NAALADL2: variants seen among roughly 807,000 people sequenced by gnomAD.
NAALADL2 encodes the protein N-acetylated alpha-linked acidic dipeptidase like 2.
A neutral mutation model predicts 87.2 loss-of-function variants in NAALADL2; 76 were observed. The ratio of observed to expected loss-of-function variants is 0.87; its 90% CI spans 0.72 to 1.05. The LOEUF (loss-of-function observed/expected upper bound fraction) is 1.05, where lower values mean the gene tolerates loss of function less well. NAALADL2 is among the 50% of genes least tolerant of loss of function. The pLI is 0.00. For synonymous variants in NAALADL2, 354 were observed against 331.0 expected (o/e 1.07, Z -0.75); for missense variants, 1,089 against 945.8 (o/e 1.15, Z -1.99).
At chr3:174,882,982 T>G (rs1461476851) in intron 1 of NAALADL2, among the ~76,000 whole-genome samples, 1 of 151,800 alleles carries the variant, frequency 6.6e-6, no homozygotes, top group African/African-American at 2.4e-5. Context: ...GGTTTCGCAA[T>G]AGCCCGTCTG....
At chr3:175,256,988 A>T (rs370261635) in intron 4 of NAALADL2, 1 of 152,178 alleles carries the variant, frequency 6.6e-6, no homozygotes, top group African/African-American at 2.4e-5. Context: ...TATTTTGTCA[A>T]CTATACAACT....
rs79122692 is a variant in NAALADL2, at chr3:175,403,975, A to G, written c.1091-43254A>G. Among the ~76,000 whole-genome samples the G allele has an allele frequency of 3.2e-3, 489 of 152,252 alleles. 2 individuals are homozygous for G. Among genetic ancestry groups the G allele is most frequent in the African/African-American group, 0.011 (440 of 41,564 alleles). ...CTTGGGAATAGTAGTATGAGAAAAG[A>G]GCCTATAGTTTTACAAAATACAGGC... On this transcript the variant is annotated intron_variant, in intron 5 of 13. Coordinates refer to ENST00000454872, the MANE Select transcript of NAALADL2 (RefSeq NM_207015.3).
intron 2 of NAALADL2, among the ~76,000 whole-genome samples, chr3:175,156,574 T>TG (rs149652116): frequency 0.18 from 26,745 of 152,060 alleles, 2,951 homozygotes; most frequent in African/African-American, 0.31. Flanking sequence ...TCCTATATTT[T>TG]TGTTATTTTA....
chr3:174,745,972 C>A (rs749323093), intron 3 of NAALADL2, among the ~76,000 whole-genome samples: 2 of 152,158 alleles, frequency 1.3e-5, no homozygotes, highest in Non-Finnish European at 2.9e-5. Context: ...CAACCAATAT[C>A]ATTCTGAATG....
chr3:175,755,073 A>T, intron 12 of NAALADL2, 147 bp from the exon 13 acceptor site: 1 of 627,230 alleles, frequency 1.6e-6, no homozygotes. Flanking sequence ...AGTGACAAAA[A>T]AAAAGAGAGA....
At chr3:174,473,026 A>G (rs1717002789) in intron 1 of NAALADL2, among the ~76,000 whole-genome samples, 1 of 152,174 alleles carries the variant, frequency 6.6e-6, no homozygotes, top group African/African-American at 2.4e-5. Context: ...GTGGTATAGT[A>G]AAGAGGGAAT....
chr3:175,600,291 C>G (rs1722778782), intron 10 of NAALADL2, among the ~76,000 whole-genome samples: 1 of 151,800 alleles, frequency 6.6e-6, no homozygotes, highest in East Asian at 1.9e-4. Context: ...TGTACATACA[C>G]ATAATCTCAA....
intron 1 of NAALADL2, among the ~76,000 whole-genome samples, chr3:174,479,699 C>T (rs1717437483): frequency 6.6e-6 from 1 of 152,086 alleles, no homozygotes; most frequent in Non-Finnish European, 1.5e-5. Flanking sequence ...TCCTTTCTTT[C>T]CGGCTCTGTA....
intron 2 of NAALADL2, among the ~76,000 whole-genome samples, chr3:175,167,312 C>T (rs1734145176): frequency 6.6e-6 from 1 of 152,046 alleles, no homozygotes; most frequent in African/African-American, 2.4e-5. Context: ...AGAGTGAGCT[C>T]TCTCAATACA....
At chr3:175,501,543 C>T (rs55938053) in intron 9 of NAALADL2, among the ~76,000 whole-genome samples, 10,815 of 151,908 alleles carry the variant, frequency 0.071, 504 homozygotes, top group South Asian at 0.12. Context: ...GACTGAGAGA[C>T]AGGGAAGATT....
chr3:174,823,644 C>T (rs1444837421), intron 3 of NAALADL2, among the ~76,000 whole-genome samples: 5 of 152,144 alleles, frequency 3.3e-5, no homozygotes, highest in Non-Finnish European at 5.9e-5. Context: ...CCTTGCTCCT[C>T]TTTATTATAA....
At position 175,681,492 on chromosome 3, in the gene NAALADL2, A is replaced by G. The variant is rs144739621; in HGVS notation, c.1896+54106A>G. 9.2e-5 allele frequency among the ~76,000 whole-genome samples: 14 copies of G among 152,334 alleles called. No individual in the cohort carries two copies. In the East Asian group the frequency reaches 2.7e-3, roughly 29 times the overall value. On this transcript the variant is annotated intron_variant, in intron 11 of 13. Transcript: ENST00000454872. ...AACCACATAAGCTAACAAGTGATCTATAGTAATTCTTGTCCAAAACTTGTA... is the reference window on the plus strand; with the variant it reads ...AACCACATAAGCTAACAAGTGATCTGTAGTAATTCTTGTCCAAAACTTGTA...
Position 175,353,010 on chromosome 3 carries a change from A to T in NAALADL2, c.1090+28685A>T, listed in dbSNP as rs974241562. Among the ~76,000 whole-genome samples, 12 of 152,162 alleles carry T rather than the reference A, an allele frequency of 7.9e-5. 1 individual carries two copies. The highest frequency in any genetic ancestry group is 2.6e-4 in the Admixed American group (4 of 15,250). On this transcript the variant is annotated intron_variant, in intron 5 of 13. Coordinates refer to ENST00000454872, the MANE Select transcript of NAALADL2 (RefSeq NM_207015.3). ...ATCAACGAACCCTGAAAGACAGGGC[A>T]TTCTCACTAATTCAAAAGGATGATA...
At chr3:175,721,562 G>A (rs1023179331) in intron 11 of NAALADL2, among the ~76,000 whole-genome samples, 3 of 152,052 alleles carry the variant, frequency 2.0e-5, no homozygotes, top group African/African-American at 7.2e-5. Flanking sequence ...ATTAGAGGAT[G>A]AGCTCATAAG....
intron 2 of NAALADL2, among the ~76,000 whole-genome samples, chr3:175,190,462 A>T (rs1271413594): frequency 6.6e-6 from 1 of 152,228 alleles, no homozygotes; most frequent in Admixed American, 6.5e-5. Flanking sequence ...ATCATTAATT[A>T]TCAGGGATAT....
chr3:174,501,689 A>T (rs2108370143), intron 1 of NAALADL2, among the ~76,000 whole-genome samples: 1 of 152,090 alleles, frequency 6.6e-6, no homozygotes, highest in African/African-American at 2.4e-5. Flanking sequence ...TTGGCTTAAA[A>T]TTTTTCATAA....
At chr3:175,746,300 G>C (rs1745922441) in intron 12 of NAALADL2, among the ~76,000 whole-genome samples, 1 of 146,428 alleles carries the variant, frequency 6.8e-6, no homozygotes, top group Admixed American at 6.8e-5. Flanking sequence ...TCAATTTTTA[G>C]GTGTCACTTG....
intron 11 of NAALADL2, among the ~76,000 whole-genome samples, chr3:175,717,645 C>A (rs1261650244): frequency 6.7e-6 from 1 of 149,782 alleles, no homozygotes; most frequent in Non-Finnish European, 1.5e-5. Context: ...GACCCAAGAT[C>A]GTACCACTAC....
At chr3:174,748,442 C>A (rs774210039) in intron 3 of NAALADL2, among the ~76,000 whole-genome samples, 1 of 151,058 alleles carries the variant, frequency 6.6e-6, no homozygotes, top group Non-Finnish European at 1.5e-5. Context: ...CTTCTGGTAC[C>A]TTTATTTTTA....
Sources: allele counts gnomAD v4.1 joint callset (sites outside exome capture counted in the v4.1 genomes callset), GRCh38; gene constraint gnomAD v4.1.1; transcripts MANE v1.5; gene names NCBI Gene and HGNC (gene_info 2026-07-23, HGNC 2026-07-21).